RBFOX2: variants seen among roughly 807,000 people sequenced by gnomAD.
RBFOX2 encodes RNA binding protein fox-1 homolog 2.
Under a neutral mutation model 49.1 loss-of-function variants are expected in RBFOX2, and 10 were observed. The observed-to-expected ratio is 0.20, with a 90% CI of 0.13 to 0.35. The LOEUF is 0.35. RBFOX2 is among the 10% of genes least tolerant of loss of function. The pLI is 1.00. For missense variants in RBFOX2, 323 were observed against 486.9 expected, an observed-to-expected ratio of 0.66 and a Z score of 3.17; for synonymous variants, 183 against 187.4, an observed-to-expected ratio of 0.98 and a Z score of 0.19.
rs1932857177 is a variant in RBFOX2 at position 35,746,647 on chromosome 22, C to T, written c.888-86G>A. Reference sequence around the variant, plus strand: ...ACACACCCGCCCACACACAGACGTACACACATGTAGACACAGGGACTGACA... The same window carrying T: ...ACACACCCGCCCACACACAGACGTATACACATGTAGACACAGGGACTGACA... On this transcript the variant is annotated intron_variant, in intron 9 of 11. Transcript: ENST00000405409. 5 of 741,654 alleles carry T rather than the reference C, an allele frequency of 6.7e-6. No homozygotes were observed. In the East Asian group the frequency reaches 9.6e-5, roughly 14 times the overall value. The allele number at this position is 741,654 out of a possible 1,614,324, so 45.9% of individuals were successfully genotyped here. A position where few individuals can be genotyped will look rare whatever the true frequency, so the allele number is the denominator to read the frequency against.
chr22:35,988,765 G>A (rs924121003), intron 1 of RBFOX2, among the ~76,000 whole-genome samples: 26 of 152,184 alleles, frequency 1.7e-4, no homozygotes, highest in African/African-American at 5.3e-4. Context: ...TTACTGCAAC[G>A]CAATGATGTG....
intron 1 of RBFOX2, among the ~76,000 whole-genome samples, chr22:35,952,253 C>A (rs1407675907): frequency 6.6e-6 from 1 of 152,214 alleles, no homozygotes; most frequent in Non-Finnish European, 1.5e-5. Flanking sequence ...CTGGACTTCA[C>A]CGCATGCACC....
intron 1 of RBFOX2, among the ~76,000 whole-genome samples, chr22:35,990,261 G>C (rs577388891): frequency 6.6e-6 from 1 of 152,134 alleles, no homozygotes; most frequent in Non-Finnish European, 1.5e-5. Flanking sequence ...TTGGATATTA[G>C]GAAGGCAGAG....
chr22:35,822,502 C>T (rs1044336178), intron 1 of RBFOX2, among the ~76,000 whole-genome samples: 3 of 152,262 alleles, frequency 2.0e-5, no homozygotes, highest in South Asian at 2.1e-4. Flanking sequence ...ATGATCCTCA[C>T]GTACTGGTAA....
At chr22:35,803,084 A>G (rs1950060905) in intron 2 of RBFOX2, among the ~76,000 whole-genome samples, 1 of 151,944 alleles carries the variant, frequency 6.6e-6, no homozygotes, top group African/African-American at 2.4e-5. Flanking sequence ...AAGCAGAAAC[A>G]CTAGTGGCCG....
chr22:35,747,807 C>A (rs1933332410), intron 9 of RBFOX2: 1 of 152,184 alleles, frequency 6.6e-6, no homozygotes, highest in African/African-American at 2.4e-5. Context: ...AAAATGTGCT[C>A]ATTTCTCATG....
At chr22:35,760,348 A>G (rs1054539124) in intron 8 of RBFOX2, among the ~76,000 whole-genome samples, 2 of 152,206 alleles carry the variant, frequency 1.3e-5, no homozygotes, top group African/African-American at 4.8e-5. Flanking sequence ...TGACTGCCAT[A>G]ATAAGAGACA....
At chr22:35,913,143 A>G (rs2050011234) in intron 1 of RBFOX2, among the ~76,000 whole-genome samples, 1 of 152,118 alleles carries the variant, frequency 6.6e-6, no homozygotes, top group East Asian at 1.9e-4. Context: ...TATTAATAAG[A>G]ACTCACCTTT....
chr22:35,803,927 G>T (rs1274826718), intron 2 of RBFOX2, among the ~76,000 whole-genome samples: 2 of 152,276 alleles, frequency 1.3e-5, no homozygotes, highest in African/African-American at 4.8e-5. Flanking sequence ...ATTTTGTTTA[G>T]GTTCAGACTG....
At chr22:35,787,782 A>G (rs1289140745) in intron 2 of RBFOX2, among the ~76,000 whole-genome samples, 1 of 152,234 alleles carries the variant, frequency 6.6e-6, no homozygotes. Context: ...CTGACCATAT[A>G]AACAACTTTC....
intron 1 of RBFOX2, among the ~76,000 whole-genome samples, chr22:36,014,842 C>T (rs1418648839): frequency 6.6e-6 from 1 of 152,158 alleles, no homozygotes; most frequent in African/African-American, 2.4e-5. Context: ...CCCTGATAAG[C>T]GCCTCTCTGA....
chr22:35,801,718 G>T (rs540053575), intron 2 of RBFOX2, among the ~76,000 whole-genome samples: 1 of 152,158 alleles, frequency 6.6e-6, no homozygotes, highest in South Asian at 2.1e-4. Context: ...CTAGCTACTC[G>T]GGAGGCTAAG....
At chr22:35,814,760 A>G (rs913933433) in intron 1 of RBFOX2, among the ~76,000 whole-genome samples, 1 of 151,128 alleles carries the variant, frequency 6.6e-6, no homozygotes, top group African/African-American at 2.4e-5. Context: ...AAAAGTGTCA[A>G]GAAAAAAGAG....
At chr22:35,842,495 G>A (rs1183103946), upstream of RBFOX2, among the ~76,000 whole-genome samples, 2 of 152,286 alleles carry the variant, frequency 1.3e-5, no homozygotes, top group Non-Finnish European at 2.9e-5. Flanking sequence ...AAATGGGCAG[G>A]TGAGTTTCAC....
At chr22:35,841,768 C>T (rs866777408), upstream of RBFOX2, among the ~76,000 whole-genome samples, 14 of 152,144 alleles carry the variant, frequency 9.2e-5, no homozygotes, top group Non-Finnish European at 1.8e-4. Flanking sequence ...GCTAACAACA[C>T]GAGCTCTCCA....
chr22:36,026,066 A>G (rs879334562), intron 1 of RBFOX2, among the ~76,000 whole-genome samples: 2 of 152,138 alleles, frequency 1.3e-5, no homozygotes, highest in African/African-American at 4.8e-5. Flanking sequence ...GGAGTTCGAG[A>G]CCAGCCTGGC....
At chr22:35,995,880 C>T (rs1306749037) in intron 1 of RBFOX2, 2 of 152,354 alleles carry the variant, frequency 1.3e-5, no homozygotes, top group African/African-American at 2.4e-5. Context: ...ACCAAGTCAC[C>T]CTTTTCCTCC....
intron 1 of RBFOX2, among the ~76,000 whole-genome samples, chr22:36,018,620 T>C (rs2059132691): frequency 6.6e-6 from 1 of 152,168 alleles, no homozygotes; most frequent in African/African-American, 2.4e-5. Context: ...TTGACTCTTT[T>C]GTTTTATTTT....
intron 1 of RBFOX2, among the ~76,000 whole-genome samples, chr22:35,861,229 C>A (rs1020429253): frequency 3.3e-5 from 5 of 152,174 alleles, no homozygotes; most frequent in Admixed American, 1.3e-4. Context: ...TAGGAGAAAA[C>A]TTCTGTGACC....
Sources: gnomAD v4.1 joint callset for allele counts (sites outside exome capture counted in the v4.1 genomes callset) on GRCh38, gnomAD v4.1.1 for gene constraint, MANE v1.5 for transcripts, NCBI Gene and HGNC (gene_info 2026-07-23, HGNC 2026-07-21) for gene names.